WWOX: variants seen among roughly 807,000 people sequenced by gnomAD.
WWOX encodes the protein WW domain-containing oxidoreductase.
A neutral mutation model predicts 46.2 loss-of-function variants in WWOX; 69 were observed. The observed-to-expected ratio is 1.49, with a 90% CI of 1.23 to 1.82. The LOEUF (loss-of-function observed/expected upper bound fraction) is 1.82, where lower values mean the gene tolerates loss of function less well. Ranked by LOEUF, WWOX falls within the 40% of genes most tolerant of loss-of-function variation. The probability of loss-of-function intolerance (pLI) is 0.00; values close to 1 mark genes in which losing one functional copy is unlikely to be tolerated. For synonymous variants in WWOX, 359 were observed against 202.6 expected, an observed-to-expected ratio of 1.77 and a Z score of -6.56; for missense variants, 919 against 542.6, an observed-to-expected ratio of 1.69 and a Z score of -6.89.
chr16:78,657,519 C>T (rs945274564), intron 8 of WWOX, among the ~76,000 whole-genome samples: 1 of 152,212 alleles, frequency 6.6e-6, no homozygotes, highest in African/African-American at 2.4e-5. Flanking sequence ...ACAGAAGAAT[C>T]AGCAGACCCA....
In WWOX at chr16:78,381,712, G is replaced by C. The variant is rs113504804; in HGVS notation, c.517-5148G>C. On this transcript the variant is annotated intron_variant, in intron 5 of 8. Transcript: ENST00000566780. Reference sequence around the variant, plus strand: ...AGCATTTCAAGATTCAGTGATCTCAGAACCTCTTTTGGTTAAACAAGCATG... The same window carrying C: ...AGCATTTCAAGATTCAGTGATCTCACAACCTCTTTTGGTTAAACAAGCATG... Among the ~76,000 whole-genome samples, 401 of 152,312 alleles carry C rather than the reference G, an allele frequency of 2.6e-3. 3 individuals are homozygous for C. Among genetic ancestry groups the C allele is most frequent in the African/African-American group, 9.4e-3 (391 of 41,564 alleles).
intron 6 of WWOX, among the ~76,000 whole-genome samples, chr16:78,407,744 G>A (rs117319524): frequency 1.6e-4 from 25 of 152,200 alleles, no homozygotes; most frequent in African/African-American, 3.6e-4. Context: ...GCTATTCAAC[G>A]TCCTGTAGAC....
At chr16:78,282,758 G>T (rs2079701525) in intron 5 of WWOX, among the ~76,000 whole-genome samples, 1 of 151,804 alleles carries the variant, frequency 6.6e-6, no homozygotes, top group African/African-American at 2.4e-5. Flanking sequence ...TTCGCCTGTA[G>T]TCCCAGTTAC....
At chr16:79,133,805 A>G (rs976165359) in intron 8 of WWOX, among the ~76,000 whole-genome samples, 3 of 152,226 alleles carry the variant, frequency 2.0e-5, no homozygotes, top group African/African-American at 4.8e-5. Flanking sequence ...GAAATGCAGG[A>G]TGTAATGAAA....
chr16:78,809,559 T>G (rs1439523426), intron 8 of WWOX, among the ~76,000 whole-genome samples: 2 of 152,106 alleles, frequency 1.3e-5, no homozygotes, highest in Non-Finnish European at 2.9e-5. Flanking sequence ...TAGGTAGAAG[T>G]TAGCCTTTAT....
chr16:78,715,121 GA>G (rs1204727928), intron 8 of WWOX, among the ~76,000 whole-genome samples: 2 of 151,922 alleles, frequency 1.3e-5, no homozygotes, highest in Non-Finnish European at 2.9e-5. Flanking sequence ...TCTCTATTAA[GA>G]AAAAAGAGAA....
At chr16:78,515,805 A>C (rs926566943) in intron 8 of WWOX, among the ~76,000 whole-genome samples, 2 of 152,206 alleles carry the variant, frequency 1.3e-5, no homozygotes, top group African/African-American at 4.8e-5. Flanking sequence ...GTCTTCTTCC[A>C]ATAAGTCAGC....
intron 8 of WWOX, among the ~76,000 whole-genome samples, chr16:79,064,649 A>C (rs1170519847): frequency 6.6e-6 from 1 of 152,192 alleles, no homozygotes; most frequent in Non-Finnish European, 1.5e-5. Context: ...GGCACTGCCA[A>C]CCTCTTCGTG....
At chr16:78,711,835 A>G (rs2048450706) in intron 8 of WWOX, among the ~76,000 whole-genome samples, 1 of 152,176 alleles carries the variant, frequency 6.6e-6, no homozygotes, top group Non-Finnish European at 1.5e-5. Context: ...ATGCACGAGT[A>G]TTGATCACAA....
At chr16:78,452,560 C>T (rs2083718779) in intron 8 of WWOX, among the ~76,000 whole-genome samples, 1 of 146,802 alleles carries the variant, frequency 6.8e-6, no homozygotes, top group African/African-American at 2.5e-5. Flanking sequence ...ATTGCAACCT[C>T]TGACTCCCAG....
intron 8 of WWOX, among the ~76,000 whole-genome samples, chr16:78,480,332 C>G (rs1325081010): frequency 2.0e-5 from 3 of 152,180 alleles, no homozygotes; most frequent in Non-Finnish European, 4.4e-5. Flanking sequence ...GAAGGATGAA[C>G]CACTTGGGTT....
chr16:79,021,642 A>G (rs1370158032), intron 8 of WWOX, among the ~76,000 whole-genome samples: 2 of 152,202 alleles, frequency 1.3e-5, no homozygotes, highest in Non-Finnish European at 1.5e-5. Context: ...TGTGATTTCG[A>G]TTGCGACAAA....
chr16:79,037,264 G>C (rs1321233611), intron 8 of WWOX, among the ~76,000 whole-genome samples: 1 of 152,136 alleles, frequency 6.6e-6, no homozygotes, highest in Non-Finnish European at 1.5e-5. Flanking sequence ...CTGACTCTGG[G>C]GGATGCTTCT....
chr16:78,817,980 G>A (rs909124292), intron 8 of WWOX, among the ~76,000 whole-genome samples: 5 of 152,188 alleles, frequency 3.3e-5, no homozygotes, highest in African/African-American at 1.2e-4. Context: ...CTATGGAAGG[G>A]AAGAAAACGA....
At chr16:78,576,197 C>A (rs1178287094) in intron 8 of WWOX, among the ~76,000 whole-genome samples, 2 of 152,130 alleles carry the variant, frequency 1.3e-5, no homozygotes, top group African/African-American at 2.4e-5. Flanking sequence ...GAAGTAATCA[C>A]CATAATCTTG....
At chr16:78,587,002 T>G (rs974894225) in intron 8 of WWOX, among the ~76,000 whole-genome samples, 3 of 152,044 alleles carry the variant, frequency 2.0e-5, no homozygotes, top group African/African-American at 7.2e-5. Context: ...CATGAGGCAA[T>G]CTATTTGATA....
At chr16:78,226,976 C>G (rs1431355407) in intron 5 of WWOX, among the ~76,000 whole-genome samples, 1 of 151,894 alleles carries the variant, frequency 6.6e-6, no homozygotes, top group Non-Finnish European at 1.5e-5. Flanking sequence ...AAAAAATAAG[C>G]AAAAAAACAA....
intron 8 of WWOX, among the ~76,000 whole-genome samples, chr16:78,863,144 G>C (rs866862499): frequency 6.6e-6 from 1 of 151,966 alleles, no homozygotes; most frequent in African/African-American, 2.4e-5. Flanking sequence ...TTTTAATAGA[G>C]ATGGGGTTTC....
intron 8 of WWOX, among the ~76,000 whole-genome samples, chr16:78,849,119 A>G (rs2052374242): frequency 6.6e-6 from 1 of 152,120 alleles, no homozygotes; most frequent in Non-Finnish European, 1.5e-5. Context: ...GACAGTCTAT[A>G]CAGTAACTCA....
Sources: gnomAD v4.1 joint callset for allele counts (sites outside exome capture counted in the v4.1 genomes callset) on GRCh38, gnomAD v4.1.1 for gene constraint, MANE v1.5 for transcripts, NCBI Gene and HGNC (gene_info 2026-07-23, HGNC 2026-07-21) for gene names.